Variants in DYNC2H1 observed in about 807,000 individuals in gnomAD.
DYNC2H1 encodes dynein cytoplasmic 2 heavy chain 1.
DYNC2H1 carries 410 observed loss-of-function variants against 570.0 expected under a neutral mutation model. That is an observed-to-expected ratio of 0.72 (90% confidence interval 0.66 to 0.78). The LOEUF is 0.78. DYNC2H1 is among the 30% of genes least tolerant of loss of function. The pLI, the probability that DYNC2H1 is intolerant of heterozygous loss-of-function variation, is 0.00. For synonymous variants in DYNC2H1, 1,688 were observed against 1,677.6 expected (o/e 1.01, Z -0.15); for missense variants, 4,865 against 5,046.4 (o/e 0.96, Z 1.09).
Position 103,464,265 on chromosome 11 carries a change from A to T in DYNC2H1, c.12649-4324A>T, listed in dbSNP as rs138698138. On this transcript the variant is annotated intron_variant, in intron 87 of 88. Coordinates refer to ENST00000375735, the MANE Select transcript of DYNC2H1 (RefSeq NM_001377.3). ...CAGTTATAGTTGAAAGTAATGTCAG[A>T]AATGAAAAATGTAGTCTTTAAATGA... Among the ~76,000 whole-genome samples, 838 of 152,332 alleles carry T rather than the reference A, an allele frequency of 5.5e-3. 16 individuals are homozygous for T. The highest frequency in any genetic ancestry group is 6.8e-3 in the Middle Eastern group (2 of 294).
chr11:103,234,858 A>G (rs1864162382), intron 61 of DYNC2H1, among the ~76,000 whole-genome samples: 1 of 151,832 alleles, frequency 6.6e-6, no homozygotes, highest in Non-Finnish European at 1.5e-5. Context: ...TTCTTATTCC[A>G]AGTCTCCTTT....
At position 103,187,464 on chromosome 11, in the gene DYNC2H1, A is replaced by G; in HGVS notation, c.7018A>G (p.Thr2340Ala). 3.7e-6 allele frequency: 6 copies of G among 1,613,366 alleles called. No homozygotes were observed. The highest frequency in any genetic ancestry group is 5.1e-6 in the Non-Finnish European group (6 of 1,179,484). The change falls in exon 43 of 89, where the codon ACT becomes GCT. Residue 2340 changes from threonine (T) to alanine (A), a missense_variant. Coordinates refer to ENST00000375735, the MANE Select transcript of DYNC2H1 (RefSeq NM_001377.3). ...KLSQTCMVIS[T>A]NTGRVYRPKD... ...GAGCCAGACTTGCATGGTAATCAGTACTAATACTGGTCGTGTATACAGACC... is the reference window on the plus strand; with the variant it reads ...GAGCCAGACTTGCATGGTAATCAGTGCTAATACTGGTCGTGTATACAGACC...
At chr11:103,122,394 G>A (rs1484692921) in intron 10 of DYNC2H1, among the ~76,000 whole-genome samples, 4 of 152,328 alleles carry the variant, frequency 2.6e-5, no homozygotes, top group East Asian at 1.9e-4. Context: ...TGGAGGAAAG[G>A]CATTTATGTC....
chr11:103,253,005 A>G (rs1368815040), intron 65 of DYNC2H1, among the ~76,000 whole-genome samples: 2 of 152,212 alleles, frequency 1.3e-5, no homozygotes, highest in Non-Finnish European at 2.9e-5. Context: ...AATCTGGAAT[A>G]TGAAACATAT....
intron 32 of DYNC2H1, among the ~76,000 whole-genome samples, chr11:103,169,519 A>T (rs1313864858): frequency 6.6e-6 from 1 of 152,166 alleles, no homozygotes; most frequent in Admixed American, 6.6e-5. Flanking sequence ...GAGAGCTGCC[A>T]AATGGCTTTT....
chr11:103,192,024 T>G, intron 46 of DYNC2H1, 73 bp from the exon 47 acceptor site: 1 of 1,244,866 alleles, frequency 8.0e-7, no homozygotes, highest in East Asian at 2.7e-5. Flanking sequence ...CTGCTATTTC[T>G]TTCTAATTTT....
rs1356916234 is a variant in DYNC2H1, at chr11:103,287,590, G to A, written c.11080G>A (p.Ala3694Thr). The part of the protein sequence containing the change: ...DRLQSAMALF[A>T]CKTLGLKEVS... The stretch of plus-strand genomic sequence containing the variant: ...ATTGCAAAGTGCCATGGCTCTTTTT[G>A]CATGTAAAACTCTGGGTAAGTGTGA... Residue 3694 changes from alanine to threonine, a missense_variant, in exon 75 of 89, where the codon GCA becomes ACA. By Grantham distance (58) the Ala-to-Thr change is moderately conservative. Coordinates refer to ENST00000375735, the MANE Select transcript of DYNC2H1 (RefSeq NM_001377.3). The A allele has an allele frequency of 2.5e-6, 4 of 1,611,584 alleles. No individual in the cohort carries two copies. Among genetic ancestry groups the A allele is most frequent in the Non-Finnish European group, 3.4e-6 (4 of 1,178,762 alleles).
At chr11:103,287,808 G>A (rs895504863) in intron 75 of DYNC2H1, 2 of 514,680 alleles carry the variant, frequency 3.9e-6, no homozygotes, top group African/African-American at 1.9e-5. Flanking sequence ...TGCCCAACAG[G>A]TTCAACTTGC....
At chr11:103,413,560 C>T (rs1242604735) in intron 84 of DYNC2H1, among the ~76,000 whole-genome samples, 1 of 152,086 alleles carries the variant, frequency 6.6e-6, no homozygotes, top group Non-Finnish European at 1.5e-5. Flanking sequence ...GTTCTTTCCA[C>T]CTTACTGCTC....
At chr11:103,459,821 G>A (rs7479161) in intron 87 of DYNC2H1, among the ~76,000 whole-genome samples, 49,233 of 150,304 alleles carry the variant, frequency 0.33, 9,102 homozygotes, top group East Asian at 0.53. Context: ...GCGCGGTGGC[G>A]GGCGCCTGTA....
chr11:103,249,924 A>G lies in DYNC2H1; in HGVS notation c.10043-3361A>G, dbSNP rs948165705. 2.0e-5 allele frequency among the ~76,000 whole-genome samples: 3 copies of G among 152,078 alleles called. No homozygotes were observed. Among genetic ancestry groups the G allele is most frequent in the African/African-American group, 7.2e-5 (3 of 41,444 alleles). The stretch of plus-strand genomic sequence containing the variant: ...CTGATCACACCCAATTCCCAGGAAA[A>G]GTACATTTTTCTTGAATTATTTATA... On this transcript the variant is annotated intron_variant, in intron 65 of 88. Coordinates refer to ENST00000375735, the MANE Select transcript of DYNC2H1 (RefSeq NM_001377.3). This position sits in a 1 kb window ranked among gnomAD's most constrained non-coding sequence, Gnocchi z 4.6.
At chr11:103,121,526 C>T (rs757750655) in intron 10 of DYNC2H1, 30 bp downstream of exon 10, 2 of 1,600,148 alleles carry the variant, frequency 1.2e-6, no homozygotes, top group East Asian at 2.2e-5. Context: ...ATGAAGAGTA[C>T]TAATTATAAA....
At chr11:103,269,970 G>T (rs962678757) in intron 70 of DYNC2H1, among the ~76,000 whole-genome samples, 2 of 152,022 alleles carry the variant, frequency 1.3e-5, no homozygotes, top group African/African-American at 4.8e-5. Flanking sequence ...AAGGCAGGCG[G>T]ATCACCTGAG....
chr11:103,331,674 G>T (rs118128861), intron 82 of DYNC2H1, among the ~76,000 whole-genome samples: 2,666 of 152,284 alleles, frequency 0.018, 35 homozygotes, highest in Non-Finnish European at 0.027. Context: ...ACCACTCCAA[G>T]AGACAGAACA....
intron 29 of DYNC2H1, among the ~76,000 whole-genome samples, 152 bp downstream of exon 29, chr11:103,161,196 T>G (rs1861078396): frequency 6.6e-6 from 1 of 152,084 alleles, no homozygotes; most frequent in African/African-American, 2.4e-5. Flanking sequence ...TTTGTTTTGT[T>G]AGTTTCGGAG....
chr11:103,350,548 C>T (rs750602721), intron 82 of DYNC2H1, among the ~76,000 whole-genome samples: 5 of 151,902 alleles, frequency 3.3e-5, no homozygotes, highest in Non-Finnish European at 7.4e-5. Context: ...TTATAGATAC[C>T]ATTTATCAGG....
chr11:103,423,427 A>C (rs7481009), intron 84 of DYNC2H1, among the ~76,000 whole-genome samples: 3 of 95,376 alleles, frequency 3.1e-5, no homozygotes, highest in African/African-American at 1.4e-4. Context: ...AAAAAAAAAA[A>C]AAAAAAAAAA....
chr11:103,214,721 G>A (rs187887884), intron 54 of DYNC2H1, among the ~76,000 whole-genome samples: 3 of 151,594 alleles, frequency 2.0e-5, no homozygotes, highest in East Asian at 1.9e-4. Flanking sequence ...GGGATTAGAG[G>A]TGTGAGCCAC....
chr11:103,370,616 C>T (rs575152449), intron 83 of DYNC2H1, among the ~76,000 whole-genome samples: 9 of 152,290 alleles, frequency 5.9e-5, no homozygotes, highest in Admixed American at 5.9e-4. Context: ...CCAGGTGACT[C>T]AGAACAGAGA....
Sources: allele counts gnomAD v4.1 joint callset (sites outside exome capture counted in the v4.1 genomes callset), GRCh38; gene constraint gnomAD v4.1.1; non-coding constraint Gnocchi (gnomAD v3.1); transcripts MANE v1.5; gene names NCBI Gene and HGNC (gene_info 2026-07-23, HGNC 2026-07-21).